Variants in OPTN observed in about 807,000 individuals in gnomAD.
OPTN encodes the protein optineurin, also known as E3-14.7K-interacting protein.
OPTN carries 54 observed loss-of-function variants against 70.4 expected under a neutral mutation model. The ratio of observed to expected loss-of-function variants is 0.77; its 90% CI spans 0.62 to 0.96. OPTN has a LOEUF of 0.96. Ranked by LOEUF, OPTN falls within the 40% of genes least tolerant of loss-of-function variation. The pLI, the probability that OPTN is intolerant of heterozygous loss-of-function variation, is 0.00. For missense variants in OPTN, 624 were observed against 673.2 expected (o/e 0.93, Z 0.81); for synonymous variants, 256 against 248.5 (o/e 1.03, Z -0.28).
intron 11 of OPTN, among the ~76,000 whole-genome samples, chr10:13,126,662 G>A (rs1443815705): frequency 1.3e-5 from 2 of 152,200 alleles, no homozygotes; most frequent in East Asian, 3.9e-4. Context: ...TCTGCTCTGG[G>A]GAATTGTGCA....
intron 7 of OPTN, 138 bp from the exon 8 acceptor site, chr10:13,122,247 T>G (rs569753546): frequency 1.5e-6 from 1 of 675,750 alleles, no homozygotes; most frequent in Admixed American, 2.4e-5. Flanking sequence ...GCTAATATAG[T>G]GAATGTGTAG....
Position 13,114,822 on chromosome 10 carries a change from T to G in OPTN, c.553-1445T>G, listed in dbSNP as rs1588438502. On this transcript the variant is annotated intron_variant, in intron 5 of 14. Coordinates refer to ENST00000378747, the MANE Select transcript of OPTN (RefSeq NM_001008212.2). ...TATATACATATATATAATTATATAATTATATAATTATATAATTATATAATT... is the reference window on the plus strand; with the variant it reads ...TATATACATATATATAATTATATAAGTATATAATTATATAATTATATAATT... Among the ~76,000 whole-genome samples the G allele has an allele frequency of 3.8e-5, 4 of 105,660 alleles. 2 individuals are homozygous for G. The allele number at this position is 105,660 out of a possible 152,430, so 69.3% of individuals were successfully genotyped here.
intron 9 of OPTN, among the ~76,000 whole-genome samples, chr10:13,124,930 T>C (rs1045765501): frequency 2.8e-4 from 42 of 152,366 alleles, no homozygotes; most frequent in African/African-American, 9.4e-4. Flanking sequence ...GCTTTGTGCA[T>C]AGCTGTCATT....
At chr10:13,110,031 G>A (rs1832961546) in intron 3 of OPTN, 1 of 557,024 alleles carries the variant, frequency 1.8e-6, no homozygotes. Context: ...GTGCTGTAGT[G>A]GCGGTACCCA....
chr10:13,137,151 T>G lies in OPTN; in HGVS notation c.*285T>G, dbSNP rs969245946. 2.2e-5 allele frequency: 10 copies of G among 449,614 alleles called. No individual in the cohort carries two copies. Among genetic ancestry groups the G allele is most frequent in the Non-Finnish European group, 4.2e-6 (1 of 240,222 alleles). The allele number at this position is 449,614 out of a possible 1,614,324, so 27.9% of individuals were successfully genotyped here. On this transcript the variant is annotated 3_prime_UTR_variant, in exon 15 of 15. Coordinates refer to ENST00000378747, the MANE Select transcript of OPTN (RefSeq NM_001008212.2). ...AAAATTAGCCGAGCATGGTGGCGCA[T>G]GCCTGTAGTCGCAGCTACTCGCGAG...
In OPTN at chr10:13,116,288, G is replaced by C. The variant is rs369796232; in HGVS notation, c.574G>C (p.Val192Leu). 1.8e-5 allele frequency: 29 copies of C among 1,612,428 alleles called. No individual in the cohort carries two copies. The South Asian group carries it at 3.2e-4, about 18-fold the overall frequency. ...RMAEGEAEGS[V>L]KEIKHSPGPT... ...ACAGGAAGGAGAAGCAGAAGGGTCA[G>C]TAAAAGAAATCAAGCATAGTCCTGG... is the stretch of plus-strand genomic sequence containing the variant. The change falls in exon 6 of 15, where the codon GTA becomes CTA. Residue 192 changes from valine (V) to leucine (L), a missense_variant. Physicochemically the swap from Val to Leu is conservative, Grantham distance 32. Transcript: ENST00000378747.
chr10:13,109,496 CTCAAGG>C, intron 3 of OPTN: 2 of 573,676 alleles, frequency 3.5e-6, no homozygotes, highest in South Asian at 4.0e-5. Flanking sequence ...CTGTGTGTAT[CTCAAGG>C]AAGTAGCATA....
intron 1 of OPTN, among the ~76,000 whole-genome samples, chr10:13,101,053 AG>A (rs1207685523): frequency 1.3e-5 from 2 of 152,336 alleles, no homozygotes; most frequent in African/African-American, 4.8e-5. Context: ...TGTGAACAGA[AG>A]AACCCACCTT....
chr10:13,106,700 C>T (rs530481095), intron 1 of OPTN, among the ~76,000 whole-genome samples: 1 of 152,276 alleles, frequency 6.6e-6, no homozygotes, highest in East Asian at 1.9e-4. Context: ...TACAGAAAGC[C>T]CAAGGTATTG....
chr10:13,114,999 ATATATT>A (rs1198873689), intron 5 of OPTN, among the ~76,000 whole-genome samples: 1 of 8,270 alleles, frequency 1.2e-4, no homozygotes, highest in Non-Finnish European at 2.9e-4. Context: ...CTATATTTAT[ATATATT>A]TATATATATA....
chr10:13,119,776 T>A (rs1833301166), intron 7 of OPTN, among the ~76,000 whole-genome samples: 1 of 152,194 alleles, frequency 6.6e-6, no homozygotes. Flanking sequence ...TATCTCATAG[T>A]TCTGATTTGT....
At chr10:13,127,964 G>A in intron 12 of OPTN, 61 bp downstream of exon 12, 1 of 1,528,142 alleles carries the variant, frequency 6.5e-7, no homozygotes, top group Non-Finnish European at 9.1e-7. Context: ...TCTCGCATTG[G>A]AAAGCAATGG....
At chr10:13,131,364 A>G (rs1425625181) in intron 12 of OPTN, 4 of 152,588 alleles carry the variant, frequency 2.6e-5, no homozygotes, top group Non-Finnish European at 5.9e-5. Flanking sequence ...ATACAAGGTG[A>G]TGAATACCAA....
intron 8 of OPTN, chr10:13,122,734 T>C: frequency 2.3e-6 from 1 of 432,720 alleles, no homozygotes; most frequent in South Asian, 2.1e-5. Context: ...TGGAGTGCAG[T>C]GGCACGATCT....
chr10:13,134,088 C>T (rs549778580), intron 14 of OPTN, among the ~76,000 whole-genome samples: 2 of 152,330 alleles, frequency 1.3e-5, no homozygotes, highest in East Asian at 1.9e-4. Context: ...GGATTACAGG[C>T]GCAAGCCACT....
At chr10:13,129,271 T>G (rs1249700680) in intron 12 of OPTN, among the ~76,000 whole-genome samples, 2 of 152,134 alleles carry the variant, frequency 1.3e-5, no homozygotes, top group African/African-American at 2.4e-5. Context: ...TATGCATGGG[T>G]CTGTTTCTGG....
intron 3 of OPTN, 153 bp from the exon 4 acceptor site, chr10:13,110,121 C>T (rs554936728): frequency 7.1e-7 from 1 of 1,406,958 alleles, no homozygotes; most frequent in Non-Finnish European, 9.6e-7. Context: ...GCAAAAACCA[C>T]TTCGTCTTTT....
chr10:13,109,543 AGGCTGGGCGTGGT>A, intron 3 of OPTN: 1 of 460,172 alleles, frequency 2.2e-6, no homozygotes, highest in Non-Finnish European at 4.0e-6. Context: ...AAGGAAAAAG[AGGCTGGGCGTGGT>A]GGCTCATGCC....
intron 14 of OPTN, among the ~76,000 whole-genome samples, chr10:13,136,160 C>G (rs1252163476): frequency 2.0e-5 from 3 of 151,642 alleles, no homozygotes; most frequent in African/African-American, 7.3e-5. Flanking sequence ...GCACTCTAGC[C>G]TGGGAGAAAG....
Sources: allele counts gnomAD v4.1 joint callset (sites outside exome capture counted in the v4.1 genomes callset), GRCh38; gene constraint gnomAD v4.1.1; transcripts MANE v1.5; gene names NCBI Gene and HGNC (gene_info 2026-07-23, HGNC 2026-07-21).